The following IPO7 variants were observed in gnomAD, a reference collection of about 807,000 sequenced individuals.
IPO7 encodes importin-7.
A neutral mutation model predicts 136.4 loss-of-function variants in IPO7; 13 were observed. The observed-to-expected ratio is 0.10, with a 90% CI of 0.06 to 0.15. IPO7 has a LOEUF of 0.15. IPO7 is among the 10% of genes least tolerant of loss of function. The pLI is 1.00. For missense variants in IPO7, 857 were observed against 1,240.6 expected (o/e 0.69, Z 4.65); for synonymous variants, 403 against 404.4 (o/e 1.00, Z 0.04).
At chr11:9,425,434 C>T (rs1253855289) in intron 12 of IPO7, 172 bp downstream of exon 12, 1 of 587,286 alleles carries the variant, frequency 1.7e-6, no homozygotes, top group African/African-American at 1.9e-5. Context: ...TAGTGATACC[C>T]CCATCTCTAT....
intron 1 of IPO7, among the ~76,000 whole-genome samples, chr11:9,393,002 A>G (rs1306829050): frequency 6.6e-6 from 1 of 151,966 alleles, no homozygotes; most frequent in African/African-American, 2.4e-5. Context: ...AAAGATACTG[A>G]CATTAGTGAT....
Position 9,435,047 on chromosome 11 carries a change from A to G in IPO7, c.2172+16A>G, listed in dbSNP as rs1316972796. On this transcript the variant is annotated intron_variant, in intron 19 of 24. Transcript: ENST00000379719. ...GTGCAAAAAGGTAGGTCATTTTTAT[A>G]TATCAGATTTCATGAGGCTTCTGCT... 1.4e-6 allele frequency: 2 copies of G among 1,441,620 alleles called. No individual in the cohort carries two copies. The highest frequency in any genetic ancestry group is 2.3e-5 in the South Asian group (2 of 86,264). The allele number at this position is 1,441,620 out of a possible 1,614,324, so 89.3% of individuals were successfully genotyped here.
intron 24 of IPO7, 64 bp downstream of exon 24, chr11:9,442,261 G>T: frequency 3.0e-6 from 2 of 676,686 alleles, no homozygotes; most frequent in South Asian, 3.8e-5. Flanking sequence ...ATTTTATATC[G>T]TTTAATTTTA....
intron 16 of IPO7, among the ~76,000 whole-genome samples, chr11:9,432,232 C>T (rs1455727794): frequency 6.8e-6 from 1 of 147,110 alleles, no homozygotes; most frequent in Non-Finnish European, 1.5e-5. Flanking sequence ...GACAGAGTCT[C>T]CCTTTGTTGC....
chr11:9,404,669 C>G (rs373230097), intron 2 of IPO7, among the ~76,000 whole-genome samples: 9 of 149,584 alleles, frequency 6.0e-5, no homozygotes, highest in African/African-American at 2.2e-4. Flanking sequence ...GTGTTCACGC[C>G]GTTCTTCTGC....
At chr11:9,403,871 TTTA>T (rs1367970831) in intron 2 of IPO7, among the ~76,000 whole-genome samples, 19 of 152,296 alleles carry the variant, frequency 1.2e-4, no homozygotes, top group East Asian at 1.2e-3. Flanking sequence ...TTTAATTTTT[TTTA>T]TTTTTTGTAG....
chr11:9,429,876 T>C (rs1490211026), intron 15 of IPO7, 42 bp downstream of exon 15: 3 of 1,439,106 alleles, frequency 2.1e-6, no homozygotes, highest in South Asian at 1.3e-5. Flanking sequence ...CATTTTAATG[T>C]AGCTCTCAGT....
Position 9,403,415 on chromosome 11 carries a change from A to G in IPO7, c.166+44A>G, listed in dbSNP as rs778620150. 15 of 1,432,080 alleles carry G rather than the reference A, an allele frequency of 1.0e-5. No individual in the cohort carries two copies. In the East Asian group the frequency reaches 3.4e-4, roughly 33 times the overall value. 88.7% of individuals were successfully genotyped at this position (1,432,080 alleles called of 1,614,324 possible). A position where few individuals can be genotyped will look rare whatever the true frequency, so the allele number is the denominator to read the frequency against. ...ATTGAGTGTATGTAATCTATTGTTT[A>G]AAAGGTTCATAATCGAATAGCAGAA... On this transcript the variant is annotated intron_variant, in intron 2 of 24. Transcript: ENST00000379719.
intron 1 of IPO7, among the ~76,000 whole-genome samples, chr11:9,394,886 G>C (rs1854687428): frequency 1.3e-5 from 2 of 152,174 alleles, no homozygotes; most frequent in South Asian, 4.1e-4. Flanking sequence ...CAGATAATGA[G>C]AAGGTTCAAA....
chr11:9,392,313 G>C (rs79453534), intron 1 of IPO7: 1 of 309,270 alleles, frequency 3.2e-6, no homozygotes, highest in South Asian at 2.5e-5. Flanking sequence ...GAGTAGCTGG[G>C]ATTACAGGTA....
chr11:9,393,063 TTACA>T (rs1296815618), intron 1 of IPO7, among the ~76,000 whole-genome samples: 1 of 151,934 alleles, frequency 6.6e-6, no homozygotes, highest in Non-Finnish European at 1.5e-5. Context: ...AAGACATGAG[TTACA>T]TACAGAGTGT....
At chr11:9,442,259 T>G in intron 24 of IPO7, 62 bp downstream of exon 24, 1 of 691,814 alleles carries the variant, frequency 1.4e-6, no homozygotes, top group Non-Finnish European at 2.5e-6. Context: ...AAATTTTATA[T>G]CGTTTAATTT....
rs778418615 is a variant in IPO7 at position 9,414,343 on chromosome 11, T to C, written c.568T>C (p.Ser190Pro). ...AAAGGATCGTTTTATCCAGCTTCTT[T>C]CTGACCAGTCTGATCAGTCTGTCCT... is the stretch of plus-strand genomic sequence containing the variant. ...VLKDRFIQLL[S>P]DQSDQSVLIQ... The change falls in exon 5 of 25, where the codon TCT becomes CCT. Residue 190 changes from serine to proline, a missense_variant. Ser to Pro is a moderately conservative substitution (Grantham distance 74, BLOSUM62 -1). This residue lies in a region of IPO7 where 287 missense variants were observed against 307.5 expected (regional missense o/e 0.93). Coordinates refer to ENST00000379719, the MANE Select transcript of IPO7 (RefSeq NM_006391.3). The C allele has an allele frequency of 3.1e-6, 5 of 1,612,502 alleles. No individual in the cohort carries two copies. The African/African-American group carries it at 6.7e-5, about 22-fold the overall frequency.
rs77664782 is a variant in IPO7 at position 9,447,753 on chromosome 11, T to C, written c.*2559T>C. On this transcript the variant is annotated 3_prime_UTR_variant, in exon 25 of 25. Coordinates refer to ENST00000379719, the MANE Select transcript of IPO7 (RefSeq NM_006391.3). ...TCACTTTTGTAAATGTAAGCTTTCT[T>C]TTTTTTTCTTGAAAAAGCCTTTCTA... 20 of 152,166 alleles carry C rather than the reference T, an allele frequency of 1.3e-4. No homozygotes were observed. In the East Asian group the frequency reaches 3.9e-3, roughly 29 times the overall value. The allele number at this position is 152,166 out of a possible 1,614,324, so 9.4% of individuals were successfully genotyped here. A position where few individuals can be genotyped will look rare whatever the true frequency, so the allele number is the denominator to read the frequency against.
intron 2 of IPO7, among the ~76,000 whole-genome samples, chr11:9,404,845 C>T (rs949477111): frequency 3.3e-5 from 5 of 152,120 alleles, no homozygotes; most frequent in Admixed American, 2.6e-4. Context: ...GGATTACAGG[C>T]GTGAGCCACC....
At chr11:9,414,957 C>T (rs1855020412) in intron 5 of IPO7, among the ~76,000 whole-genome samples, 1 of 151,746 alleles carries the variant, frequency 6.6e-6, no homozygotes, top group Non-Finnish European at 1.5e-5. Flanking sequence ...TGGGCAATGT[C>T]AAATTATCTT....
At position 9,403,931 on chromosome 11, in the gene IPO7, G is replaced by A. The variant is rs556038906; in HGVS notation, c.166+560G>A. ...TGCTGGAGTGCAGTGGTGCGAACTC[G>A]GCTCTCTGCAACCTCTGCCTCCCAG... is the stretch of plus-strand genomic sequence containing the variant. On this transcript the variant is annotated intron_variant, in intron 2 of 24. Coordinates refer to ENST00000379719, the MANE Select transcript of IPO7 (RefSeq NM_006391.3). Among the ~76,000 whole-genome samples, 6 of 152,066 alleles carry A rather than the reference G, an allele frequency of 3.9e-5. No individual in the cohort carries two copies. In the East Asian group the frequency reaches 1.2e-3, roughly 29 times the overall value.
chr11:9,430,660 A>G, intron 15 of IPO7: 1 of 478,108 alleles, frequency 2.1e-6, no homozygotes, highest in Non-Finnish European at 3.7e-6. Context: ...TGGCATGCAG[A>G]AAAGGTCAAG....
intron 8 of IPO7, 107 bp from the exon 9 acceptor site, chr11:9,422,899 T>C: frequency 1.7e-6 from 1 of 589,706 alleles, no homozygotes. Flanking sequence ...TTGTTTTTCT[T>C]GATGATGAGC....
Sources: allele counts gnomAD v4.1 joint callset (sites outside exome capture counted in the v4.1 genomes callset), GRCh38; gene constraint gnomAD v4.1.1; regional missense constraint gnomAD v4.1.1; transcripts MANE v1.5; gene names NCBI Gene and HGNC (gene_info 2026-07-23, HGNC 2026-07-21).